Variants in CNPY4 observed in about 807,000 individuals in gnomAD.
CNPY4 encodes protein canopy homolog 4.
Under a neutral mutation model 30.1 loss-of-function variants are expected in CNPY4, and 33 were observed. The ratio of observed to expected loss-of-function variants is 1.10; its 90% CI spans 0.83 to 1.46. The LOEUF is 1.46. Among genes scored for constraint, CNPY4 ranks in the 40% most tolerant of loss-of-function variants. The pLI, the probability that CNPY4 is intolerant of heterozygous loss-of-function variation, is 0.00. For missense variants in CNPY4, 324 were observed against 302.6 expected, an observed-to-expected ratio of 1.07 and a Z score of -0.52; for synonymous variants, 109 against 110.1, an observed-to-expected ratio of 0.99 and a Z score of 0.06.
At chr7:100,121,112 A>ATTTTTTTTTTTTTTTT (rs1798040006) in intron 1 of CNPY4, 1 of 30,710 alleles carries the variant, frequency 3.3e-5, no homozygotes, top group Non-Finnish European at 5.8e-5. Flanking sequence ...ATATATATAT[A>ATTTTTTTTTTTTTTTT]TATATTTTTT....
At chr7:100,121,114 ATATTTTTTTTTTTTTTTTTTTT>A (rs1319881406) in intron 1 of CNPY4, 1 of 31,162 alleles carries the variant, frequency 3.2e-5, no homozygotes, top group Non-Finnish European at 5.5e-5. Flanking sequence ...ATATATATAT[ATATTTTTTTTTTTTTTTTTTTT>A]TTTTTTTTTT....
chr7:100,124,842 T>C lies in CNPY4; in HGVS notation c.701T>C (p.Met234Thr), dbSNP rs766066020. 8 of 1,608,826 alleles carry C rather than the reference T, an allele frequency of 5.0e-6. No homozygotes were observed. The highest frequency in any genetic ancestry group is 3.4e-5 in the Admixed American group (2 of 59,476). The change falls in exon 6 of 6, where the codon ATG becomes ACG. Residue 234 changes from methionine to threonine, a missense_variant. Met to Thr is a moderately conservative substitution (Grantham distance 81). Coordinates refer to ENST00000262932, the MANE Select transcript of CNPY4 (RefSeq NM_152755.2). ...GAGGAAGAGGAAGGGGGAGACAAGA[T>C]GACCAAGACAGGAAGCCACCCCAAA... is the stretch of plus-strand genomic sequence containing the variant. The part of the protein sequence containing the change: ...EEEEEEGGDK[M>T]TKTGSHPKLD...
rs751942469 is a variant in CNPY4, at chr7:100,124,909, G to A, written c.*21G>A. ...TTTGACCCTTGCCTTTGAGCCCCCA[G>A]GAGGGGAAGGGATCATGGAGAGCCC... is the stretch of plus-strand genomic sequence containing the variant. On this transcript the variant is annotated 3_prime_UTR_variant, in exon 6 of 6. Transcript: ENST00000262932. 1 of 1,562,764 alleles carries A rather than the reference G, an allele frequency of 6.4e-7. No homozygotes were observed. The highest frequency in any genetic ancestry group is 1.4e-5 in the African/African-American group (1 of 73,090).
chr7:100,124,674 TC>T, intron 5 of CNPY4, 43 bp downstream of exon 5: 2 of 1,611,582 alleles, frequency 1.2e-6, no homozygotes, highest in East Asian at 2.2e-5. Context: ...AGCCATAGCC[TC>T]CCCTGCCTCC....
rs762758445 is a variant in CNPY4, at chr7:100,119,862, G to A, written c.118G>A (p.Val40Met). ...DTERLPSKCE[V>M]CKLLSTELQA... ...AGAACGCTTGCCCAGCAAATGCGAA[G>A]GTATTTGAAGGGGGTAGCCCCTATA... Residue 40 changes from valine to methionine, a missense_variant and splice_region_variant, in exon 1 of 6, where the codon GTG (valine) becomes ATG (methionine). By Grantham distance (21) the Val-to-Met change is conservative. Coordinates refer to ENST00000262932, the MANE Select transcript of CNPY4 (RefSeq NM_152755.2). 2.4e-5 allele frequency: 39 copies of A among 1,611,052 alleles called. No individual in the cohort carries two copies. The highest frequency in any genetic ancestry group is 3.2e-5 in the Non-Finnish European group (38 of 1,178,712).
At chr7:100,124,292 T>C (rs1317897167) in intron 4 of CNPY4, 1 of 514,214 alleles carries the variant, frequency 1.9e-6, no homozygotes, top group Non-Finnish European at 3.5e-6. Flanking sequence ...ATACATATTT[T>C]ACAGGCAAGG....
chr7:100,122,969 C>T (rs1349588043), intron 4 of CNPY4, 63 bp downstream of exon 4: 1 of 1,542,104 alleles, frequency 6.5e-7, no homozygotes, highest in Non-Finnish European at 8.8e-7. Flanking sequence ...GAGCTAGGTT[C>T]TAGGGTTTGA....
At chr7:100,121,016 T>C (rs1436770547) in intron 1 of CNPY4, 1 of 147,398 alleles carries the variant, frequency 6.8e-6, no homozygotes, top group Non-Finnish European at 1.5e-5. Context: ...TGCCAGCCTT[T>C]ATATATGTTG....
rs764301675 is a variant in CNPY4, at chr7:100,119,814, T to A, written c.70T>A (p.Leu24Met). ...CGTGCACGAGGCTTGGGCTGGGATG[T>A]TGAAGGAGGAGGACGATGACACAGA... ...LAVHEAWAGM[L>M]KEEDDDTERL... Residue 24 changes from leucine (L) to methionine (M), a missense_variant, in exon 1 of 6, where the codon TTG (leucine) becomes ATG (methionine). By Grantham distance (15) the Leu-to-Met change is conservative. Coordinates refer to ENST00000262932, the MANE Select transcript of CNPY4 (RefSeq NM_152755.2). 3 of 1,613,994 alleles carry A rather than the reference T, an allele frequency of 1.9e-6. No homozygotes were observed. The East Asian group carries it at 6.7e-5, about 36-fold the overall frequency.
chr7:100,120,768 A>G (rs1457167589), intron 1 of CNPY4, among the ~76,000 whole-genome samples: 1 of 152,182 alleles, frequency 6.6e-6, no homozygotes, highest in African/African-American at 2.4e-5. Context: ...ACAGTGGCTC[A>G]CATCTGTAAT....
chr7:100,119,988 A>G, intron 1 of CNPY4, 126 bp downstream of exon 1: 1 of 808,542 alleles, frequency 1.2e-6, no homozygotes, highest in Non-Finnish European at 1.8e-6. Flanking sequence ...GTTCTGGTGG[A>G]GCTTGGCTGA....
Position 100,124,748 on chromosome 7 carries a change from G to A in CNPY4, c.607G>A (p.Gly203Arg), listed in dbSNP as rs1234018819. 1.2e-6 allele frequency: 2 copies of A among 1,613,928 alleles called. No homozygotes were observed. Among genetic ancestry groups the A allele is most frequent in the Admixed American group, 3.3e-5 (2 of 59,968 alleles). The change falls in exon 6 of 6, where the codon GGA becomes AGA. Residue 203 changes from glycine to arginine, a missense_variant. By Grantham distance (125) the Gly-to-Arg change is moderately radical. Transcript: ENST00000262932. ...ETACLQETWTGKEITDGEEKT... is the reference protein window; with the variant it reads ...ETACLQETWTRKEITDGEEKT... ...AGCATGTCTACAGGAAACTTGGACT[G>A]GAAAGGAGATCACAGATGGGGAAGA...
intron 1 of CNPY4, 144 bp from the exon 2 acceptor site, chr7:100,122,115 T>A: frequency 3.4e-6 from 3 of 878,110 alleles, no homozygotes; most frequent in Non-Finnish European, 5.1e-6. Context: ...ACACAGCTGC[T>A]AAATGGCTGA....
At chr7:100,121,116 A>ATATATATATATTTTTTT (rs1584585316) in intron 1 of CNPY4, 1 of 52,778 alleles carries the variant, frequency 1.9e-5, no homozygotes, top group Non-Finnish European at 3.2e-5. Flanking sequence ...ATATATATAT[A>ATATATATATATTTTTTT]TTTTTTTTTT....
At chr7:100,123,211 G>A (rs1395860659) in intron 4 of CNPY4, among the ~76,000 whole-genome samples, 2 of 151,962 alleles carry the variant, frequency 1.3e-5, no homozygotes, top group East Asian at 1.9e-4. Context: ...GCGTGGTGGT[G>A]CACGCCTGTG....
At chr7:100,122,229 C>T in intron 1 of CNPY4, 30 bp from the exon 2 acceptor site, 3 of 1,612,474 alleles carry the variant, frequency 1.9e-6, no homozygotes, top group Non-Finnish European at 2.5e-6. Flanking sequence ...TGTCTTTTAC[C>T]TCCCCCCGGA....
At position 100,122,330 on chromosome 7, in the gene CNPY4, C is replaced by T. The variant is rs746775632; in HGVS notation, c.190C>T (p.Leu64=). 50 of 1,614,044 alleles carry T rather than the reference C, an allele frequency of 3.1e-5. No individual in the cohort carries two copies. The highest frequency in any genetic ancestry group is 2.9e-4 in the African/African-American group (22 of 74,910). The part of the protein sequence containing the change: ...RTGRSREVLE[L]GQVLDTGKRK... ...CGGTCGATCTCGAGAGGTGCTGGAG[C>T]TGGGGCAGGTGCTGGATACAGGCAA... is the stretch of plus-strand genomic sequence containing the variant. Residue 64 remains leucine, a synonymous_variant, in exon 2 of 6, where the codon CTG becomes TTG. Transcript: ENST00000262932.
At chr7:100,122,647 G>A (rs1798107764) in intron 3 of CNPY4, 70 bp downstream of exon 3, 2 of 1,515,398 alleles carry the variant, frequency 1.3e-6, no homozygotes, top group Non-Finnish European at 1.8e-6. Flanking sequence ...AGGCCCTCCA[G>A]AGGTTATCTG....
In CNPY4 at chr7:100,119,871, A is replaced by T; in HGVS notation, c.118+9A>T. ...GCCCAGCAAATGCGAAGGTATTTGA[A>T]GGGGGTAGCCCCTATAGGCATCGCC... On this transcript the variant is annotated intron_variant, in intron 1 of 5. Transcript: ENST00000262932. The T allele has an allele frequency of 1.2e-6, 2 of 1,610,642 alleles. No individual in the cohort carries two copies.
Sources: gnomAD v4.1 joint callset for allele counts (sites outside exome capture counted in the v4.1 genomes callset) on GRCh38, gnomAD v4.1.1 for gene constraint, MANE v1.5 for transcripts, NCBI Gene and HGNC (gene_info 2026-07-23, HGNC 2026-07-21) for gene names.